ARSJ: variants seen among roughly 807,000 people sequenced by gnomAD.
The protein encoded by ARSJ is arylsulfatase family member J.
A neutral mutation model predicts 35.9 loss-of-function variants in ARSJ; 26 were observed. The ratio of observed to expected loss-of-function variants is 0.72; its 90% CI spans 0.53 to 1.00. ARSJ has a LOEUF of 1.00. Among genes scored for constraint, ARSJ ranks in the 50% least tolerant of loss-of-function variants. The pLI, the probability that ARSJ is intolerant of heterozygous loss-of-function variation, is 0.00. For missense variants in ARSJ, 667 were observed against 723.6 expected, an observed-to-expected ratio of 0.92 and a Z score of 0.90; for synonymous variants, 294 against 267.6, an observed-to-expected ratio of 1.10 and a Z score of -0.96.
intron 1 of ARSJ, 149 bp downstream of exon 1, chr4:113,978,288 G>T (rs1594533178): frequency 8.1e-6 from 6 of 738,348 alleles, no homozygotes; most frequent in Non-Finnish European, 1.3e-5. Context: ...ATTTTAACAC[G>T]GTACCCCAAT....
intron 1 of ARSJ, among the ~76,000 whole-genome samples, chr4:113,969,181 C>G (rs1727081244): frequency 6.6e-6 from 1 of 152,130 alleles, no homozygotes; most frequent in African/African-American, 2.4e-5. Flanking sequence ...ACAGGCTTAG[C>G]AGGGTTCCAA....
At chr4:113,904,104 T>C (rs1313527622) in intron 1 of ARSJ, among the ~76,000 whole-genome samples, 2 of 151,866 alleles carry the variant, frequency 1.3e-5, no homozygotes, top group African/African-American at 2.4e-5. Flanking sequence ...TTTTTTTGTA[T>C]TTTTAGTAGA....
rs1183676178 is a variant in ARSJ, at chr4:113,901,284, GTAAT to G, written c.*986_*989del. 2.0e-5 allele frequency: 3 copies of G among 152,108 alleles called. No homozygotes were observed. The highest frequency in any genetic ancestry group is 4.4e-5 in the Non-Finnish European group (3 of 68,028). The allele number at this position is 152,108 out of a possible 1,614,324, so 9.4% of individuals were successfully genotyped here. ...CTCTGCACAAACATTGAATTTCCAAGTAATTTGTAAGGAATATATTCATCTTATT... is the reference window on the plus strand; with the variant it reads ...CTCTGCACAAACATTGAATTTCCAAGTTGTAAGGAATATATTCATCTTATT... On this transcript the variant is annotated 3_prime_UTR_variant, in exon 2 of 2. Transcript: ENST00000315366.
chr4:113,964,068 G>A (rs986116253), intron 1 of ARSJ, among the ~76,000 whole-genome samples: 1 of 151,978 alleles, frequency 6.6e-6, no homozygotes, highest in African/African-American at 2.4e-5. Context: ...TCTTGGAAAC[G>A]AACCATTGAA....
chr4:113,978,813 C>G lies in ARSJ; in HGVS notation c.22G>C (p.Gly8Arg). The part of the protein sequence containing the change: MAPRGCA[G>R]HPPPPSPQAC... ...TGTGGAGAAGGCGGAGGCGGATGCC[C>G]CGCACAGCCCCTGGGAGCCATTCAC... The change falls in exon 1 of 2, where the codon GGG (glycine) becomes CGG (arginine). Residue 8 changes from glycine to arginine, a missense_variant. By Grantham distance (125) the Gly-to-Arg change is moderately radical. Coordinates refer to ENST00000315366, the MANE Select transcript of ARSJ (RefSeq NM_024590.4). 1 of 1,609,142 alleles carries G rather than the reference C, an allele frequency of 6.2e-7. No individual in the cohort carries two copies. Among genetic ancestry groups the G allele is most frequent in the Non-Finnish European group, 8.5e-7 (1 of 1,177,664 alleles).
At chr4:113,934,268 T>C (rs1724633831) in intron 1 of ARSJ, among the ~76,000 whole-genome samples, 1 of 151,782 alleles carries the variant, frequency 6.6e-6, no homozygotes, top group South Asian at 2.1e-4. Context: ...ATACTCAATA[T>C]ATTGAAGATA....
At chr4:113,921,000 GACTGTATA>G (rs1436425510) in intron 1 of ARSJ, among the ~76,000 whole-genome samples, 1 of 151,970 alleles carries the variant, frequency 6.6e-6, no homozygotes, top group Non-Finnish European at 1.5e-5. Flanking sequence ...GAGATAGCTG[GACTGTATA>G]GGTGCTGCAT....
chr4:113,967,924 G>A (rs2149284546), intron 1 of ARSJ, among the ~76,000 whole-genome samples: 1 of 152,210 alleles, frequency 6.6e-6, no homozygotes, highest in East Asian at 1.9e-4. Flanking sequence ...ACTTAACATA[G>A]TTTTTGAATA....
In ARSJ at chr4:113,920,457, A is replaced by G. The variant is rs143253869; in HGVS notation, c.399-16782T>C. Among the ~76,000 whole-genome samples the G allele has an allele frequency of 3.3e-3, 497 of 152,320 alleles. 2 individuals carry two copies. Among genetic ancestry groups the G allele is most frequent in the African/African-American group, 0.012 (479 of 41,586 alleles). ...ACCCTAAAGAAACATACCAGTCAATATTAAGAAAACTCTTCAAAACACTAA... is the reference window on the plus strand; with the variant it reads ...ACCCTAAAGAAACATACCAGTCAATGTTAAGAAAACTCTTCAAAACACTAA... On this transcript the variant is annotated intron_variant, in intron 1 of 1. Coordinates refer to ENST00000315366, the MANE Select transcript of ARSJ (RefSeq NM_024590.4).
At chr4:113,959,192 C>T (rs1020536465) in intron 1 of ARSJ, among the ~76,000 whole-genome samples, 23 of 151,948 alleles carry the variant, frequency 1.5e-4, no homozygotes, top group Non-Finnish European at 2.5e-4. Flanking sequence ...CTGAATGGCT[C>T]ACACAGAACA....
intron 1 of ARSJ, among the ~76,000 whole-genome samples, chr4:113,942,816 G>A (rs1318689966): frequency 1.3e-5 from 2 of 152,018 alleles, no homozygotes; most frequent in African/African-American, 2.4e-5. Flanking sequence ...GATGCATGAT[G>A]TATGTTCTAT....
intron 1 of ARSJ, among the ~76,000 whole-genome samples, chr4:113,957,045 T>C (rs1401923745): frequency 3.9e-5 from 6 of 152,208 alleles, no homozygotes; most frequent in East Asian, 1.9e-4. Context: ...TAGAATTATG[T>C]ATATTGTCCT....
At chr4:113,914,479 C>CAA (rs34615912) in intron 1 of ARSJ, among the ~76,000 whole-genome samples, 54 of 151,808 alleles carry the variant, frequency 3.6e-4, no homozygotes, top group African/African-American at 8.2e-4. Context: ...AACAGCCCAA[C>CAA]AAAAAAAATG....
At position 113,978,432 on chromosome 4, in the gene ARSJ, C is replaced by T. The variant is rs754038959; in HGVS notation, c.398+5G>A. ...GGAATAAATATAAGAAGTAGGAACA[C>T]TTACTTTCCAGTAATAAACTGACTC... is the stretch of plus-strand genomic sequence containing the variant. On this transcript the variant is annotated splice_donor_5th_base_variant and intron_variant, in intron 1 of 1. Coordinates refer to ENST00000315366, the MANE Select transcript of ARSJ (RefSeq NM_024590.4). The T allele has an allele frequency of 4.4e-6, 7 of 1,577,978 alleles. No homozygotes were observed. Among genetic ancestry groups the T allele is most frequent in the Non-Finnish European group, 6.0e-6 (7 of 1,162,978 alleles).
chr4:113,975,989 C>T lies in ARSJ; in HGVS notation c.398+2448G>A, dbSNP rs1727566409. ...GATTAGGGCTCACTTCTTGTTTCTT[C>T]TTCATGGCTCCAATGCAGGGGTCTG... On this transcript the variant is annotated intron_variant, in intron 1 of 1. Coordinates refer to ENST00000315366, the MANE Select transcript of ARSJ (RefSeq NM_024590.4). Among the ~76,000 whole-genome samples, 3 of 152,144 alleles carry T rather than the reference C, an allele frequency of 2.0e-5. 1 individual carries two copies. In the South Asian group the frequency reaches 6.2e-4, roughly 31 times the overall value.
intron 1 of ARSJ, among the ~76,000 whole-genome samples, chr4:113,948,983 T>C (rs1324597752): frequency 6.6e-6 from 1 of 152,092 alleles, no homozygotes; most frequent in Non-Finnish European, 1.5e-5. Context: ...ATGTGGCACA[T>C]ACGCACCATG....
intron 1 of ARSJ, among the ~76,000 whole-genome samples, chr4:113,934,514 T>C (rs915485654): frequency 6.6e-6 from 1 of 151,776 alleles, no homozygotes; most frequent in African/African-American, 2.4e-5. Context: ...TTTCCACTCA[T>C]ATATGGGAGC....
intron 1 of ARSJ, among the ~76,000 whole-genome samples, chr4:113,936,834 C>G (rs1461259907): frequency 6.6e-6 from 1 of 151,736 alleles, no homozygotes; most frequent in Non-Finnish European, 1.5e-5. Flanking sequence ...AAAAAATCAC[C>G]TCTGAGAATA....
intron 1 of ARSJ, among the ~76,000 whole-genome samples, chr4:113,905,660 ATTTTTTTTT>A (rs766150372): frequency 3.7e-5 from 3 of 81,850 alleles, no homozygotes; most frequent in Non-Finnish European, 6.5e-5. Context: ...GTTCTTGATA[ATTTTTTTTT>A]TTTTTTTTTT....
Sources: allele counts gnomAD v4.1 joint callset (sites outside exome capture counted in the v4.1 genomes callset), GRCh38; gene constraint gnomAD v4.1.1; transcripts MANE v1.5; gene names NCBI Gene and HGNC (gene_info 2026-07-23, HGNC 2026-07-21).